YWHAQ: variants seen among roughly 807,000 people sequenced by gnomAD.
YWHAQ encodes 14-3-3 protein theta.
Under a neutral mutation model 28.3 loss-of-function variants are expected in YWHAQ, and 6 were observed. That is an observed-to-expected ratio of 0.21 (90% CI 0.12 to 0.42). YWHAQ has a LOEUF of 0.42. YWHAQ is among the 10% of genes least tolerant of loss of function. The pLI is 1.00. For synonymous variants in YWHAQ, 143 were observed against 119.1 expected (o/e 1.20, Z -1.31); for missense variants, 201 against 305.6 (o/e 0.66, Z 2.55).
Position 9,588,346 on chromosome 2 carries a change from TAAG to T in YWHAQ, c.419-21_419-19del, listed in dbSNP as rs1456982578. On this transcript the variant is annotated intron_variant, in intron 3 of 5. Coordinates refer to ENST00000238081, the MANE Select transcript of YWHAQ (RefSeq NM_006826.4). ...TATCGTTTCTGTGAAGAGCGAAAAA[TAAG>T]AAGTGCAATATTAAAAATAACCATC... 8.7e-6 allele frequency: 14 copies of T among 1,601,796 alleles called. No homozygotes were observed. The highest frequency in any genetic ancestry group is 4.5e-5 in the East Asian group (2 of 44,624).
In YWHAQ at chr2:9,596,114, T is replaced by C. The variant is rs115274575; in HGVS notation, c.295-4599A>G. ...TCTTAGAAAAATAGGATGGGAACAA[T>C]AGACTATAACACAAAAGCTATAAAG... On this transcript the variant is annotated intron_variant, in intron 2 of 5. Transcript: ENST00000238081. Among the ~76,000 whole-genome samples the C allele has an allele frequency of 4.5e-3, 680 of 152,206 alleles. 8 individuals are homozygous for C. The highest frequency in any genetic ancestry group is 0.016 in the African/African-American group (649 of 41,530).
At chr2:9,585,478 TTC>T in intron 5 of YWHAQ, 133 bp from the exon 6 acceptor site, 1 of 1,002,848 alleles carries the variant, frequency 1.0e-6, no homozygotes, top group Non-Finnish European at 1.5e-6. Flanking sequence ...AAGACTGAAG[TTC>T]TCTCTCAAAA....
intron 2 of YWHAQ, among the ~76,000 whole-genome samples, chr2:9,598,888 C>T (rs1427270980): frequency 1.3e-5 from 2 of 152,144 alleles, no homozygotes; most frequent in African/African-American, 2.4e-5. Flanking sequence ...CTCTTACTTA[C>T]AAAAGCTAGA....
intron 5 of YWHAQ, 58 bp downstream of exon 5, chr2:9,587,356 A>G: frequency 6.7e-7 from 1 of 1,491,576 alleles, no homozygotes; most frequent in Non-Finnish European, 9.1e-7. Context: ...GTCCAAAATA[A>G]AATATAAATA....
At chr2:9,621,273 T>G (rs1449370590) in intron 2 of YWHAQ, among the ~76,000 whole-genome samples, 1 of 152,164 alleles carries the variant, frequency 6.6e-6, no homozygotes, top group Non-Finnish European at 1.5e-5. Flanking sequence ...TCAATCTACT[T>G]AGCACTCATC....
Position 9,603,550 on chromosome 2 carries a change from C to T in YWHAQ, c.295-12035G>A, listed in dbSNP as rs569782227. On this transcript the variant is annotated intron_variant, in intron 2 of 5. Transcript: ENST00000238081. Reference sequence around the variant, plus strand: ...TCAGCCTCCCAAAGTGCTGTGATTACGGGCATGAGCCACCATGCCTGGCTT... The same window carrying T: ...TCAGCCTCCCAAAGTGCTGTGATTATGGGCATGAGCCACCATGCCTGGCTT... Among the ~76,000 whole-genome samples, 287 of 151,542 alleles carry T rather than the reference C, an allele frequency of 1.9e-3. 3 individuals are homozygous for T. The highest frequency in any genetic ancestry group is 6.5e-3 in the African/African-American group (270 of 41,372).
At chr2:9,625,128 G>T (rs992966654) in intron 2 of YWHAQ, among the ~76,000 whole-genome samples, 2 of 151,746 alleles carry the variant, frequency 1.3e-5, no homozygotes, top group Middle Eastern at 3.2e-3. Flanking sequence ...CAGGCATGGT[G>T]GTGCATGCCT....
intron 2 of YWHAQ, among the ~76,000 whole-genome samples, chr2:9,600,368 C>A (rs996515280): frequency 5.9e-5 from 9 of 152,198 alleles, no homozygotes; most frequent in Non-Finnish European, 1.0e-4. Flanking sequence ...GAAAGAAATT[C>A]TATTCTAGCT....
intron 2 of YWHAQ, among the ~76,000 whole-genome samples, chr2:9,593,987 A>T (rs1572988646): frequency 1.3e-5 from 2 of 151,042 alleles, no homozygotes; most frequent in Non-Finnish European, 2.9e-5. Context: ...ACACACACAC[A>T]CACACACACA....
chr2:9,598,552 GTC>G (rs1666624601), intron 2 of YWHAQ, among the ~76,000 whole-genome samples: 1 of 152,136 alleles, frequency 6.6e-6, no homozygotes, highest in Admixed American at 6.5e-5. Context: ...TCAACTTCAT[GTC>G]TCTGTGGCAC....
chr2:9,587,515 AAAT>A lies in YWHAQ; in HGVS notation c.583-9_583-7del. 1 of 1,587,018 alleles carries A rather than the reference AAAT, an allele frequency of 6.3e-7. No homozygotes were observed. Among genetic ancestry groups the A allele is most frequent in the Non-Finnish European group, 8.6e-7 (1 of 1,165,846 alleles). ...GCAATGGCCTCATCAAAAGCCTGAT[AAAT>A]ATTAATATCCATGGTAAAATATGTG... is the stretch of plus-strand genomic sequence containing the variant. On this transcript the variant is annotated splice_polypyrimidine_tract_variant and splice_region_variant and intron_variant, in intron 4 of 5. Transcript: ENST00000238081.
At chr2:9,610,482 C>A (rs527292025) in intron 2 of YWHAQ, among the ~76,000 whole-genome samples, 3 of 152,162 alleles carry the variant, frequency 2.0e-5, no homozygotes, top group Admixed American at 2.0e-4. Flanking sequence ...CATATATTAA[C>A]ATCTGGATGG....
chr2:9,630,249 C>G lies in YWHAQ; in HGVS notation c.204G>C (p.Lys68Asn). Residue 68 changes from lysine to asparagine, a missense_variant, in exon 2 of 6, where the codon AAG (lysine) becomes AAC (asparagine). Coordinates refer to ENST00000238081, the MANE Select transcript of YWHAQ (RefSeq NM_006826.4). The surrounding 1 kb of genome is among the most constrained non-coding windows in gnomAD (Gnocchi z 5.6). ...AWRVISSIEQ[K>N]TDTSDKKLQL... is the part of the protein sequence containing the mutation. ...GCAACTTCTTGTCGGAGGTGTCGGT[C>G]TTCTGCTCGATGCTAGAGATGACCC... 2 of 1,614,162 alleles carry G rather than the reference C, an allele frequency of 1.2e-6. No individual in the cohort carries two copies. The highest frequency in any genetic ancestry group is 1.7e-6 in the Non-Finnish European group (2 of 1,180,042).
At chr2:9,596,231 GA>G (rs1322097896) in intron 2 of YWHAQ, among the ~76,000 whole-genome samples, 2 of 147,808 alleles carry the variant, frequency 1.4e-5, no homozygotes, top group Non-Finnish European at 1.5e-5. Context: ...CATATCTTAG[GA>G]AAAAAAGGCT....
intron 2 of YWHAQ, among the ~76,000 whole-genome samples, chr2:9,627,481 CCTTAT>C (rs1377102438): frequency 6.6e-6 from 1 of 152,170 alleles, no homozygotes; most frequent in Non-Finnish European, 1.5e-5. Flanking sequence ...CTTATAACTT[CCTTAT>C]CTGTCAGTTC....
At chr2:9,616,102 A>G (rs1036667251) in intron 2 of YWHAQ, among the ~76,000 whole-genome samples, 1 of 152,222 alleles carries the variant, frequency 6.6e-6, no homozygotes, top group Non-Finnish European at 1.5e-5. Context: ...AACAAAATAC[A>G]GCGCTGTCAA....
intron 4 of YWHAQ, among the ~76,000 whole-genome samples, chr2:9,587,712 C>T (rs906451781): frequency 2.0e-5 from 3 of 152,192 alleles, no homozygotes; most frequent in Non-Finnish European, 2.9e-5. Context: ...ACTTAGTAAA[C>T]AAGCATGTCT....
intron 2 of YWHAQ, among the ~76,000 whole-genome samples, chr2:9,597,471 C>A (rs1666596167): frequency 6.6e-6 from 1 of 151,844 alleles, no homozygotes; most frequent in African/African-American, 2.4e-5. Context: ...CACGGTGAAA[C>A]CCCGTCGCTA....
At chr2:9,596,695 G>A (rs915093293) in intron 2 of YWHAQ, among the ~76,000 whole-genome samples, 1 of 128,032 alleles carries the variant, frequency 7.8e-6, no homozygotes, top group Non-Finnish European at 1.7e-5. Context: ...CCAAATCTAA[G>A]CTAGAGATTT....
Sources: allele counts gnomAD v4.1 joint callset (sites outside exome capture counted in the v4.1 genomes callset), GRCh38; gene constraint gnomAD v4.1.1; non-coding constraint Gnocchi (gnomAD v3.1); transcripts MANE v1.5; gene names NCBI Gene and HGNC (gene_info 2026-07-23, HGNC 2026-07-21).